AFF2: variants seen among roughly 807,000 people sequenced by gnomAD.
AFF2 encodes the protein AF4/FMR2 family member 2.
Under a neutral mutation model 76.9 loss-of-function variants are expected in AFF2, and 14 were observed. The observed-to-expected ratio is 0.18, with a 90% CI of 0.12 to 0.28. The LOEUF is 0.28. AFF2 is among the 10% of genes least tolerant of loss of function. The pLI is 1.00. For synonymous variants in AFF2, 398 were observed against 366.7 expected, an observed-to-expected ratio of 1.09 and a Z score of -0.98; for missense variants, 868 against 1,001.1, an observed-to-expected ratio of 0.87 and a Z score of 1.79.
At chrX:148,684,491 G>C (rs1322660601) in intron 3 of AFF2, among the ~76,000 whole-genome samples, 1 of 112,178 alleles carries the variant, frequency 8.9e-6, no homozygotes, top group Non-Finnish European at 1.9e-5. Flanking sequence ...TTAAAAGGCA[G>C]TATTTCAAGT....
At chrX:148,554,511 C>T (rs5936213) in intron 1 of AFF2, among the ~76,000 whole-genome samples, 30,091 of 111,027 alleles carry the variant, frequency 0.27, 3,032 homozygotes, top group Non-Finnish European at 0.3. Context: ...GGAGTTAGAT[C>T]GGGTCCCCCA....
rs576820979 is a variant in AFF2 at position 148,790,398 on chromosome X, T to C, written c.1042-19478T>C. Among the ~76,000 whole-genome samples the C allele has an allele frequency of 2.1e-4, 23 of 111,621 alleles. No homozygotes were observed. The South Asian group carries it at 8.0e-3, about 39-fold the overall frequency. The stretch of plus-strand genomic sequence containing the variant: ...AAAGATACATGTACATGTATGTTCA[T>C]TGCAGCACTATTCACAATAGCAAAG... On this transcript the variant is annotated intron_variant, in intron 3 of 20. Transcript: ENST00000370460.
intron 4 of AFF2, among the ~76,000 whole-genome samples, chrX:148,836,544 G>A (rs2070528206): frequency 9.1e-6 from 1 of 110,343 alleles, no homozygotes; most frequent in African/African-American, 3.3e-5. Flanking sequence ...CATAAATTTT[G>A]ATCCCCTCCA....
intron 7 of AFF2, among the ~76,000 whole-genome samples, chrX:148,881,879 T>C (rs782046780): frequency 4.5e-5 from 5 of 111,403 alleles, no homozygotes; most frequent in Non-Finnish European, 5.6e-5. Context: ...CCAGAGTAGG[T>C]ATTATTATTG....
chrX:148,938,261 G>T (rs2071794765), intron 9 of AFF2, among the ~76,000 whole-genome samples: 1 of 111,870 alleles, frequency 8.9e-6, no homozygotes, highest in Non-Finnish European at 1.9e-5. Flanking sequence ...AATAAGGTTA[G>T]AGAGCAAATG....
chrX:148,752,907 C>T (rs943271637), intron 3 of AFF2, among the ~76,000 whole-genome samples: 2 of 111,934 alleles, frequency 1.8e-5, no homozygotes, highest in Admixed American at 9.5e-5. Flanking sequence ...ACATCAGCTA[C>T]GTTTCTTAAA....
At chrX:148,906,898 C>T (rs1288286114) in intron 9 of AFF2, among the ~76,000 whole-genome samples, 1 of 112,022 alleles carries the variant, frequency 8.9e-6, no homozygotes, top group Admixed American at 9.4e-5. Flanking sequence ...AGGCTAAAGG[C>T]TTGCCATTGT....
chrX:148,732,036 A>C (rs2055226380), intron 3 of AFF2, among the ~76,000 whole-genome samples: 1 of 64,590 alleles, frequency 1.5e-5, no homozygotes, highest in African/African-American at 1.0e-4. Context: ...GGGATCTAGA[A>C]CTAGAAATAC....
chrX:148,704,587 C>T (rs1157473080), intron 3 of AFF2, among the ~76,000 whole-genome samples: 1 of 102,263 alleles, frequency 9.8e-6, no homozygotes, highest in African/African-American at 3.5e-5. Context: ...AGTGCAGTGG[C>T]ACGATCTCAG....
chrX:148,961,757 T>A (rs2072111613), intron 12 of AFF2, among the ~76,000 whole-genome samples: 1 of 112,873 alleles, frequency 8.9e-6, no homozygotes, highest in Admixed American at 9.4e-5. Flanking sequence ...AAATTCTTGT[T>A]GACTTAATTT....
chrX:148,616,495 G>A, intron 1 of AFF2, among the ~76,000 whole-genome samples: 1 of 111,447 alleles, frequency 9.0e-6, no homozygotes, highest in South Asian at 3.8e-4. Flanking sequence ...TTGACATCTT[G>A]TGTGTAAGTT....
intron 1 of AFF2, among the ~76,000 whole-genome samples, chrX:148,582,155 C>T (rs2053422559): frequency 4.5e-5 from 5 of 111,299 alleles, no homozygotes; most frequent in Middle Eastern, 9.3e-3. Flanking sequence ...ACAAAAGTGA[C>T]GTTGTGTTCT....
Position 148,996,539 on chromosome X carries a change from G to A in AFF2, c.*5207G>A, listed in dbSNP as rs2072601932. On this transcript the variant is annotated 3_prime_UTR_variant, in exon 21 of 21. Transcript: ENST00000370460. Reference sequence around the variant, plus strand: ...GTCAGAGGGTTCATATTTAATATATGTGTTCATGTGGACACACACAGACAC... The same window carrying A: ...GTCAGAGGGTTCATATTTAATATATATGTTCATGTGGACACACACAGACAC... 8.9e-6 allele frequency: 1 copy of A among 112,674 alleles called. No individual in the cohort carries two copies. The highest frequency in any genetic ancestry group is 1.9e-5 in the Non-Finnish European group (1 of 53,384). The allele number at this position is 112,674 out of a possible 1,213,427, so 9.3% of individuals were successfully genotyped here.
intron 4 of AFF2, among the ~76,000 whole-genome samples, chrX:148,814,131 G>A (rs1167202921): frequency 2.7e-5 from 3 of 111,924 alleles, no homozygotes; most frequent in Non-Finnish European, 3.8e-5. Context: ...CACAGTGATG[G>A]CATTTTGCAG....
chrX:148,712,548 T>C (rs2054980024), intron 3 of AFF2, among the ~76,000 whole-genome samples: 1 of 111,808 alleles, frequency 8.9e-6, no homozygotes, highest in Non-Finnish European at 1.9e-5. Context: ...TGGGCAGTGA[T>C]CAGACTGGGC....
At chrX:148,768,840 C>T (rs1557267926) in intron 3 of AFF2, among the ~76,000 whole-genome samples, 9 of 112,063 alleles carry the variant, frequency 8.0e-5, no homozygotes, top group Admixed American at 7.6e-4. Context: ...GGTGGTTCCT[C>T]CCAGCCGACA....
At chrX:148,779,644 G>T (rs1375787234) in intron 3 of AFF2, among the ~76,000 whole-genome samples, 6 of 111,402 alleles carry the variant, frequency 5.4e-5, no homozygotes, top group Non-Finnish European at 1.1e-4. Context: ...GTGTGTCTTT[G>T]CACGTGAGAT....
chrX:148,818,073 T>C (rs935774643), intron 4 of AFF2, among the ~76,000 whole-genome samples: 5 of 111,779 alleles, frequency 4.5e-5, no homozygotes, highest in Admixed American at 3.8e-4. Flanking sequence ...TTTATACCAC[T>C]ATCATTTTAT....
chrX:148,969,412 C>A (rs1212333381), intron 15 of AFF2, among the ~76,000 whole-genome samples: 2 of 111,885 alleles, frequency 1.8e-5, no homozygotes, highest in African/African-American at 6.5e-5. Flanking sequence ...TACAGTGATC[C>A]CTCCGTATCC....
Sources: allele counts gnomAD v4.1 joint callset (sites outside exome capture counted in the v4.1 genomes callset), GRCh38; gene constraint gnomAD v4.1.1; transcripts MANE v1.5; gene names NCBI Gene and HGNC (gene_info 2026-07-23, HGNC 2026-07-21).